Variants in PRKCH observed in about 807,000 individuals in gnomAD.
The protein encoded by PRKCH is protein kinase C eta type.
In PRKCH, 28 loss-of-function variants were observed where a neutral mutation model predicts 82.5. That is an observed-to-expected ratio of 0.34 (90% CI 0.25 to 0.47). The LOEUF is 0.47. Ranked by LOEUF, PRKCH falls within the 20% of genes least tolerant of loss-of-function variation. The pLI is 1.00. For synonymous variants in PRKCH, 322 were observed against 327.4 expected (o/e 0.98, Z 0.18); for missense variants, 705 against 881.8 (o/e 0.80, Z 2.54).
At chr14:61,430,263 A>G (rs1020909453) in intron 2 of PRKCH, among the ~76,000 whole-genome samples, 2 of 152,254 alleles carry the variant, frequency 1.3e-5, no homozygotes, top group African/African-American at 2.4e-5. Flanking sequence ...TAAGACCACA[A>G]TGAGATACCA....
At chr14:61,310,885 C>A (rs1989566) in intron 1 of PRKCH, among the ~76,000 whole-genome samples, 7,571 of 152,348 alleles carry the variant, frequency 0.05, 268 homozygotes, top group Admixed American at 0.072. Flanking sequence ...CTTCTGTGCA[C>A]CTGCAGGCCC....
At chr14:61,370,328 T>A (rs1478334954) in intron 1 of PRKCH, among the ~76,000 whole-genome samples, 1 of 152,056 alleles carries the variant, frequency 6.6e-6, no homozygotes, top group African/African-American at 2.4e-5. Context: ...AGGGATGAGG[T>A]GGTGATGAGA....
At chr14:61,434,780 C>G (rs118152895) in intron 2 of PRKCH, among the ~76,000 whole-genome samples, 2 of 152,006 alleles carry the variant, frequency 1.3e-5, no homozygotes, top group African/African-American at 4.8e-5. Flanking sequence ...TAGCACTTTG[C>G]GAGACCAAAG....
chr14:61,525,379 A>G (rs2042952548), intron 10 of PRKCH, among the ~76,000 whole-genome samples: 1 of 152,196 alleles, frequency 6.6e-6, no homozygotes, highest in South Asian at 2.1e-4. Flanking sequence ...CAGCTCATAC[A>G]GTTCTGAGAA....
intron 1 of PRKCH, among the ~76,000 whole-genome samples, chr14:61,216,038 C>A (rs552957828): frequency 1.3e-5 from 2 of 152,304 alleles, no homozygotes; most frequent in African/African-American, 2.4e-5. Flanking sequence ...ATTTTATACA[C>A]CCTGCTGGCT....
chr14:61,522,954 A>G (rs1013650642), intron 10 of PRKCH, among the ~76,000 whole-genome samples: 1 of 152,240 alleles, frequency 6.6e-6, no homozygotes, highest in African/African-American at 2.4e-5. Flanking sequence ...GTGACTTTTC[A>G]AAAGTCTTTT....
intron 2 of PRKCH, among the ~76,000 whole-genome samples, chr14:61,394,913 C>G (rs1185382778): frequency 6.6e-6 from 1 of 152,112 alleles, no homozygotes; most frequent in Non-Finnish European, 1.5e-5. Context: ...TGGTCCCTGT[C>G]CAGAAAGAGT....
intron 1 of PRKCH, among the ~76,000 whole-genome samples, chr14:61,313,530 C>T (rs1271762009): frequency 2.6e-5 from 4 of 152,006 alleles, no homozygotes; most frequent in Non-Finnish European, 4.4e-5. Context: ...TAATCATGGT[C>T]GGTGATCAGC....
At chr14:61,324,624 A>T (rs1037117463) in intron 1 of PRKCH, among the ~76,000 whole-genome samples, 2 of 152,118 alleles carry the variant, frequency 1.3e-5, no homozygotes, top group Admixed American at 6.6e-5. Flanking sequence ...AGGTTCAAAA[A>T]TGCTTTAAAA....
intron 9 of PRKCH, among the ~76,000 whole-genome samples, chr14:61,463,750 G>T (rs1468727760): frequency 1.3e-5 from 2 of 152,008 alleles, no homozygotes; most frequent in Non-Finnish European, 2.9e-5. Context: ...CCAGCCTCTG[G>T]TAACCACTAT....
intron 1 of PRKCH, among the ~76,000 whole-genome samples, chr14:61,289,574 G>A (rs978289414): frequency 6.6e-6 from 1 of 152,202 alleles, no homozygotes; most frequent in African/African-American, 2.4e-5. Flanking sequence ...AGTCATGGTG[G>A]CATGTGCCTG....
intron 1 of PRKCH, among the ~76,000 whole-genome samples, chr14:61,376,093 T>C (rs2046425224): frequency 2.0e-5 from 3 of 150,964 alleles, no homozygotes; most frequent in South Asian, 4.2e-4. Flanking sequence ...TCAAGGCCTT[T>C]AATGGGATTT....
In PRKCH at chr14:61,450,831, CT is replaced by C; in HGVS notation, c.703-5del. ...ATTTTAGCTCTTGTCCCTTTATTTC[CT>C]TTTTTACAGATTGCAGAACAGAGGT... On this transcript the variant is annotated splice_polypyrimidine_tract_variant and intron_variant, in intron 5 of 13. Transcript: ENST00000332981. 1.2e-6 allele frequency: 2 copies of C among 1,611,148 alleles called. No individual in the cohort carries two copies. The highest frequency in any genetic ancestry group is 1.7e-6 in the Non-Finnish European group (2 of 1,178,720).
intron 1 of PRKCH, among the ~76,000 whole-genome samples, chr14:61,232,911 A>G (rs2044756091): frequency 6.6e-6 from 1 of 152,316 alleles, no homozygotes; most frequent in East Asian, 1.9e-4. Context: ...TAGCACAGAA[A>G]AAGACATTGG....
chr14:61,549,830 A>AG lies in PRKCH; in HGVS notation c.2052dup. The stretch of plus-strand genomic sequence containing the variant: ...TATGTGTCTCCAGAATTGCAACCAT[A>AG]GCCTTATGGGGAGTGAGAGAGAGGG... ...FSYVSPELQP[*] The change falls in exon 14 of 14, where the codon TAG becomes TAGG. Residue 684 remains the stop codon, a frameshift_variant and stop_retained_variant. Transcript: ENST00000332981. LOFTEE classifies it high-confidence loss of function. 2 of 1,613,712 alleles carry AG rather than the reference A, an allele frequency of 1.2e-6. No individual in the cohort carries two copies. The highest frequency in any genetic ancestry group is 8.5e-7 in the Non-Finnish European group (1 of 1,179,890).
intron 1 of PRKCH, among the ~76,000 whole-genome samples, chr14:61,361,711 G>A (rs1208075739): frequency 4.6e-5 from 7 of 152,088 alleles, no homozygotes; most frequent in African/African-American, 1.2e-4. Context: ...CAGTAAAATG[G>A]GAATAATAAT....
intron 10 of PRKCH, among the ~76,000 whole-genome samples, chr14:61,505,395 C>CTTTTTCTTTTT (rs1887099057): frequency 1.8e-5 from 1 of 55,738 alleles, no homozygotes; most frequent in African/African-American, 6.5e-5. Flanking sequence ...CTTTTCTTTT[C>CTTTTTCTTTTT]TTTTTTTTTT....
chr14:61,435,832 G>T (rs1013255521), intron 2 of PRKCH, among the ~76,000 whole-genome samples: 3 of 152,162 alleles, frequency 2.0e-5, no homozygotes, highest in Non-Finnish European at 2.9e-5. Context: ...TGGTATGCAG[G>T]GAACCTTGGA....
intron 1 of PRKCH, among the ~76,000 whole-genome samples, chr14:61,362,550 C>G (rs1172601324): frequency 6.6e-6 from 1 of 152,202 alleles, no homozygotes; most frequent in Non-Finnish European, 1.5e-5. Context: ...TCAGTTTTGA[C>G]TGTTCACATA....
Sources: gnomAD v4.1 joint callset for allele counts (sites outside exome capture counted in the v4.1 genomes callset) on GRCh38, gnomAD v4.1.1 for gene constraint, MANE v1.5 for transcripts, NCBI Gene and HGNC (gene_info 2026-07-23, HGNC 2026-07-21) for gene names.